Variants in CSGALNACT1 observed in about 807,000 individuals in gnomAD.
CSGALNACT1 encodes the protein beta4GalNAcT-1.
Under a neutral mutation model 51.0 loss-of-function variants are expected in CSGALNACT1, and 52 were observed. The ratio of observed to expected loss-of-function variants is 1.02; its 90% CI spans 0.82 to 1.29. The LOEUF (loss-of-function observed/expected upper bound fraction) is 1.29, where lower values mean the gene tolerates loss of function less well. CSGALNACT1 is among the 50% of genes most tolerant of loss of function. The probability of loss-of-function intolerance (pLI) is 0.00; values close to 1 mark genes in which losing one functional copy is unlikely to be tolerated. For missense variants in CSGALNACT1, 935 were observed against 679.2 expected (o/e 1.38, Z -4.19); for synonymous variants, 341 against 254.4 (o/e 1.34, Z -3.24).
intron 6 of CSGALNACT1, among the ~76,000 whole-genome samples, chr8:19,431,813 C>CT (rs71205925): frequency 0.016 from 2,368 of 149,040 alleles, 56 homozygotes; most frequent in African/African-American, 0.055. Context: ...GTTCTTTTTT[C>CT]TTTTTTTTTT....
upstream of CSGALNACT1, among the ~76,000 whole-genome samples, chr8:19,604,697 G>A (rs1406232292): frequency 6.7e-6 from 1 of 149,954 alleles, no homozygotes; most frequent in Non-Finnish European, 1.5e-5. Context: ...CACAATGTCA[G>A]GAGATCAAGA....
At chr8:19,584,136 A>G (rs761782455) in intron 3 of CSGALNACT1, among the ~76,000 whole-genome samples, 16 of 152,328 alleles carry the variant, frequency 1.1e-4, no homozygotes, top group South Asian at 6.2e-4. Flanking sequence ...ATCCACCCAG[A>G]CTTGTGACTT....
chr8:19,652,735 G>T (rs1309059537), intron 1 of CSGALNACT1, among the ~76,000 whole-genome samples: 4 of 152,112 alleles, frequency 2.6e-5, no homozygotes, highest in African/African-American at 7.2e-5. Flanking sequence ...TGTGTTAATT[G>T]AATTTTGACC....
At chr8:19,428,453 C>G (rs2059123935) in intron 6 of CSGALNACT1, among the ~76,000 whole-genome samples, 2 of 152,130 alleles carry the variant, frequency 1.3e-5, no homozygotes, top group Non-Finnish European at 2.9e-5. Flanking sequence ...GAGACTTATT[C>G]ACCACCATGA....
At chr8:19,573,943 G>A (rs1413373880) in intron 3 of CSGALNACT1, among the ~76,000 whole-genome samples, 1 of 152,138 alleles carries the variant, frequency 6.6e-6, no homozygotes, top group Non-Finnish European at 1.5e-5. Context: ...TTAATTTTTA[G>A]AGAAAAAGTC....
intron 3 of CSGALNACT1, among the ~76,000 whole-genome samples, chr8:19,517,855 T>C (rs1330314294): frequency 6.8e-6 from 1 of 147,284 alleles, no homozygotes; most frequent in Admixed American, 6.6e-5. Flanking sequence ...AAGATGAGAT[T>C]TGGGTGGAGA....
chr8:19,553,927 C>CACACACACACACACA (rs1564021267), intron 3 of CSGALNACT1, among the ~76,000 whole-genome samples: 3 of 117,740 alleles, frequency 2.5e-5, no homozygotes, highest in African/African-American at 1.1e-4. Flanking sequence ...ACACACACAC[C>CACACACACACACACA]CAGAATCAAT....
At chr8:19,469,681 C>T (rs1168186315) in intron 4 of CSGALNACT1, among the ~76,000 whole-genome samples, 8 of 152,130 alleles carry the variant, frequency 5.3e-5, no homozygotes, top group Non-Finnish European at 7.4e-5. Flanking sequence ...TGTAGGTCTC[C>T]GCCCTGAAGC....
At chr8:19,592,463 G>T (rs1329153177) in intron 2 of CSGALNACT1, among the ~76,000 whole-genome samples, 1 of 152,206 alleles carries the variant, frequency 6.6e-6, no homozygotes, top group Non-Finnish European at 1.5e-5. Flanking sequence ...TGGATAAAAA[G>T]CAAATGAGCA....
At chr8:19,605,323 C>G (rs895738057), upstream of CSGALNACT1, among the ~76,000 whole-genome samples, 1 of 152,256 alleles carries the variant, frequency 6.6e-6, no homozygotes, top group African/African-American at 2.4e-5. Context: ...GTAATCCCAG[C>G]TACTCAGGAG....
intron 1 of CSGALNACT1, among the ~76,000 whole-genome samples, chr8:19,612,885 A>G (rs184436256): frequency 1.4e-5 from 2 of 147,378 alleles, no homozygotes; most frequent in African/African-American, 5.0e-5. Context: ...GCAGTTGTAA[A>G]CCATTTCAGC....
intron 1 of CSGALNACT1, among the ~76,000 whole-genome samples, chr8:19,745,824 C>T (rs762783115): frequency 1.3e-5 from 2 of 152,078 alleles, no homozygotes; most frequent in Non-Finnish European, 1.5e-5. Flanking sequence ...TTTAATCACA[C>T]GGCATCTCCC....
chr8:19,590,792 G>C (rs2047654471), intron 3 of CSGALNACT1, among the ~76,000 whole-genome samples: 1 of 151,726 alleles, frequency 6.6e-6, no homozygotes, highest in African/African-American at 2.4e-5. Context: ...TGGGATTACA[G>C]GTGTCCACCA....
rs181996850 is a variant in CSGALNACT1 at position 19,543,627 on chromosome 8, T to C, written c.-296-37497A>G. 2.0e-5 allele frequency among the ~76,000 whole-genome samples: 3 copies of C among 152,316 alleles called. 1 individual carries two copies. Among genetic ancestry groups the C allele is most frequent in the Admixed American group, 2.0e-4 (3 of 15,296 alleles). On this transcript the variant is annotated intron_variant, in intron 3 of 9. Coordinates refer to ENST00000454498, the Ensembl canonical transcript of CSGALNACT1. ...GTTCCACAGGCAGAAACTGCATACA[T>C]GTGGCTGCATGTTTCCCAGCTGGGG...
intron 3 of CSGALNACT1, among the ~76,000 whole-genome samples, chr8:19,514,297 G>A (rs1228077821): frequency 6.6e-6 from 1 of 151,638 alleles, no homozygotes; most frequent in Admixed American, 6.6e-5. Context: ...GAGCTACTTA[G>A]CACAGGTACT....
chr8:19,536,914 C>G (rs902466891), intron 3 of CSGALNACT1, among the ~76,000 whole-genome samples: 1 of 152,164 alleles, frequency 6.6e-6, no homozygotes, highest in African/African-American at 2.4e-5. Flanking sequence ...CGGGGGTAAA[C>G]AGCCTTTTCA....
chr8:19,713,427 TGTGTCC>T (rs2062624526), intron 1 of CSGALNACT1, among the ~76,000 whole-genome samples: 2 of 152,140 alleles, frequency 1.3e-5, no homozygotes, highest in African/African-American at 4.8e-5. Context: ...TGCGTTGAAT[TGTGTCC>T]CCACTAAAAA....
chr8:19,750,332 C>G (rs148990208), intron 1 of CSGALNACT1, among the ~76,000 whole-genome samples: 1 of 152,252 alleles, frequency 6.6e-6, no homozygotes, highest in Non-Finnish European at 1.5e-5. Context: ...GTGGAAGAAC[C>G]AGAAAACGAC....
chr8:19,635,079 G>A (rs2154172581), intron 1 of CSGALNACT1, among the ~76,000 whole-genome samples: 1 of 152,316 alleles, frequency 6.6e-6, no homozygotes. Flanking sequence ...GTAATTAAGT[G>A]GTTATGGTCC....
Sources: allele counts gnomAD v4.1 joint callset (sites outside exome capture counted in the v4.1 genomes callset), GRCh38; gene constraint gnomAD v4.1.1; transcripts MANE v1.5; gene names NCBI Gene and HGNC (gene_info 2026-07-23, HGNC 2026-07-21).